The following SHROOM3 variants were observed in gnomAD, a reference collection of about 807,000 sequenced individuals.
SHROOM3 encodes the protein protein Shroom3.
SHROOM3 carries 47 observed loss-of-function variants against 138.6 expected under a neutral mutation model. That is an observed-to-expected ratio of 0.34 (90% CI 0.27 to 0.43). SHROOM3 has a LOEUF of 0.43. SHROOM3 is among the 20% of genes least tolerant of loss of function. SHROOM3 has a pLI of 1.00. For synonymous variants in SHROOM3, 1,062 were observed against 1,063.3 expected, an observed-to-expected ratio of 1.00 and a Z score of 0.02; for missense variants, 2,491 against 2,596.5, an observed-to-expected ratio of 0.96 and a Z score of 0.88.
At chr4:76,731,638 A>G (rs564540744) in intron 4 of SHROOM3, among the ~76,000 whole-genome samples, 38 of 152,118 alleles carry the variant, frequency 2.5e-4, no homozygotes, top group African/African-American at 9.2e-4. Context: ...AAAATTAGCC[A>G]GGTGTGGTGG....
At chr4:76,778,134 A>C (rs1419902691) in intron 10 of SHROOM3, among the ~76,000 whole-genome samples, 1 of 152,112 alleles carries the variant, frequency 6.6e-6, no homozygotes, top group Admixed American at 6.5e-5. Context: ...CATTTCTAAC[A>C]ATTTCCCAGG....
intron 2 of SHROOM3, among the ~76,000 whole-genome samples, chr4:76,621,456 C>T (rs1735005466): frequency 6.6e-6 from 1 of 152,184 alleles, no homozygotes; most frequent in Admixed American, 6.5e-5. Flanking sequence ...ACCTTTGCAC[C>T]AAAGCAAACT....
chr4:76,772,188 C>G (rs374011125), intron 10 of SHROOM3, among the ~76,000 whole-genome samples: 1 of 150,376 alleles, frequency 6.6e-6, no homozygotes, highest in African/African-American at 2.5e-5. Context: ...ACTGCAACCT[C>G]TGGCTCCCGT....
intron 2 of SHROOM3, among the ~76,000 whole-genome samples, chr4:76,685,069 C>T (rs2110104981): frequency 6.6e-6 from 1 of 152,328 alleles, no homozygotes; most frequent in South Asian, 2.1e-4. Context: ...TAAACCCCAA[C>T]ACCCATTTGA....
At chr4:76,683,188 T>C (rs1185521390) in intron 2 of SHROOM3, among the ~76,000 whole-genome samples, 1 of 152,154 alleles carries the variant, frequency 6.6e-6, no homozygotes, top group Admixed American at 6.5e-5. Context: ...GCTGAATAGT[T>C]TTTTTTTCAT....
At chr4:76,526,434 T>A (rs1412328329) in intron 1 of SHROOM3, among the ~76,000 whole-genome samples, 1 of 152,160 alleles carries the variant, frequency 6.6e-6, no homozygotes, top group Non-Finnish European at 1.5e-5. Context: ...GCCAGCCAGT[T>A]TGTAATTTGT....
At chr4:76,711,360 G>T (rs1185041659) in intron 3 of SHROOM3, among the ~76,000 whole-genome samples, 2 of 152,206 alleles carry the variant, frequency 1.3e-5, no homozygotes, top group Non-Finnish European at 2.9e-5. Flanking sequence ...TGTCATGAGT[G>T]CAACAAATGT....
At chr4:76,650,519 A>ATATT (rs3045185) in intron 2 of SHROOM3, among the ~76,000 whole-genome samples, 1,767 of 145,598 alleles carry the variant, frequency 0.012, 23 homozygotes, top group Non-Finnish European at 0.017. Context: ...TTTTTTAAGT[A>ATATT]TATTTATTTA....
Position 76,574,085 on chromosome 4 carries a change from ATCAGAACTTGG to A in SHROOM3, c.323+18325_323+18335del, listed in dbSNP as rs369587006. Among the ~76,000 whole-genome samples, 483 of 152,280 alleles carry A rather than the reference ATCAGAACTTGG, an allele frequency of 3.2e-3. 2 individuals are homozygous for A. Among genetic ancestry groups the A allele is most frequent in the African/African-American group, 0.011 (464 of 41,568 alleles). The stretch of plus-strand genomic sequence containing the variant: ...TCTCCTCCCTGAGGCTAGAAGAGAA[ATCAGAACTTGG>A]TCCTCACAGCTTGACTTGCCACCAT... On this transcript the variant is annotated intron_variant, in intron 2 of 10. Transcript: ENST00000296043.
chr4:76,746,249 T>A lies in SHROOM3; in HGVS notation c.3754-2768T>A, dbSNP rs114173488. On this transcript the variant is annotated intron_variant, in intron 5 of 10. Transcript: ENST00000296043. ...ATATCTGAAAATATCATCCAATGAA[T>A]TTATTTCATTTTAACATTTATTACT... Among the ~76,000 whole-genome samples the A allele has an allele frequency of 4.4e-3, 677 of 152,340 alleles. 5 individuals carry two copies. Among genetic ancestry groups the A allele is most frequent in the African/African-American group, 0.015 (627 of 41,578 alleles).
At chr4:76,484,641 C>T (rs1038667756) in intron 1 of SHROOM3, among the ~76,000 whole-genome samples, 2 of 152,138 alleles carry the variant, frequency 1.3e-5, no homozygotes, top group African/African-American at 2.4e-5. Context: ...TACAGTTTAG[C>T]GGAAGCAGCC....
chr4:76,574,951 G>A (rs1437700185), intron 2 of SHROOM3, among the ~76,000 whole-genome samples: 5 of 152,108 alleles, frequency 3.3e-5, no homozygotes, highest in African/African-American at 1.2e-4. Flanking sequence ...CTTAAAAAAC[G>A]GGTATACCAG....
At chr4:76,717,543 T>C (rs1333183128) in intron 3 of SHROOM3, among the ~76,000 whole-genome samples, 7 of 152,208 alleles carry the variant, frequency 4.6e-5, no homozygotes. Flanking sequence ...TCTGTCTTTT[T>C]TTCTCCTTGC....
intron 1 of SHROOM3, among the ~76,000 whole-genome samples, chr4:76,473,809 A>G (rs1731427522): frequency 6.6e-6 from 1 of 152,196 alleles, no homozygotes; most frequent in South Asian, 2.1e-4. Context: ...AAAAGGACAG[A>G]CAATAAAAAG....
chr4:76,663,083 T>G (rs184666474), intron 2 of SHROOM3, among the ~76,000 whole-genome samples: 2 of 152,346 alleles, frequency 1.3e-5, no homozygotes, highest in African/African-American at 4.8e-5. Flanking sequence ...AAGGGGACTT[T>G]GCGGTTTGGT....
intron 2 of SHROOM3, among the ~76,000 whole-genome samples, chr4:76,620,907 G>C (rs1468047230): frequency 1.3e-5 from 2 of 151,344 alleles, no homozygotes; most frequent in Non-Finnish European, 2.9e-5. Flanking sequence ...GCAGATGAAA[G>C]GATGAAGGGG....
At chr4:76,447,408 T>C (rs1309155797) in intron 1 of SHROOM3, among the ~76,000 whole-genome samples, 1 of 152,194 alleles carries the variant, frequency 6.6e-6, no homozygotes, top group African/African-American at 2.4e-5. Flanking sequence ...TAAGCTTTTA[T>C]CATCTTGCAT....
chr4:76,444,681 A>G (rs1433008429), intron 1 of SHROOM3, among the ~76,000 whole-genome samples: 1 of 150,894 alleles, frequency 6.6e-6, no homozygotes, highest in African/African-American at 2.4e-5. Flanking sequence ...TTTTTAGTAG[A>G]GATGGGGTTT....
At chr4:76,501,919 T>A (rs1021116523) in intron 1 of SHROOM3, among the ~76,000 whole-genome samples, 2 of 152,164 alleles carry the variant, frequency 1.3e-5, no homozygotes, top group Non-Finnish European at 2.9e-5. Flanking sequence ...GTAACGTATT[T>A]CCCTGATGCT....
Sources: allele counts gnomAD v4.1 joint callset (sites outside exome capture counted in the v4.1 genomes callset), GRCh38; gene constraint gnomAD v4.1.1; transcripts MANE v1.5; gene names NCBI Gene and HGNC (gene_info 2026-07-23, HGNC 2026-07-21).